PRKN: variants seen among roughly 807,000 people sequenced by gnomAD.
PRKN encodes the protein parkin RBR E3 ubiquitin protein ligase, also known as E3 ubiquitin-protein ligase parkin.
PRKN carries 56 observed loss-of-function variants against 59.5 expected under a neutral mutation model. That is an observed-to-expected ratio of 0.94 (90% CI 0.76 to 1.18). The LOEUF is 1.18. Among genes scored for constraint, PRKN ranks in the 50% most tolerant of loss-of-function variants. The pLI, the probability that PRKN is intolerant of heterozygous loss-of-function variation, is 0.00. For missense variants in PRKN, 657 were observed against 596.4 expected, an observed-to-expected ratio of 1.10 and a Z score of -1.06; for synonymous variants, 250 against 222.1, an observed-to-expected ratio of 1.13 and a Z score of -1.12.
chr6:162,469,783 T>C (rs143799409), intron 1 of PRKN, among the ~76,000 whole-genome samples: 275 of 152,152 alleles, frequency 1.8e-3, no homozygotes, highest in African/African-American at 6.3e-3. Context: ...GTTCAGTGTA[T>C]ACTGCTTGGA....
At chr6:162,025,583 CTTTTTTTTT>C (rs1177676968) in intron 5 of PRKN, among the ~76,000 whole-genome samples, 2 of 59,006 alleles carry the variant, frequency 3.4e-5, no homozygotes, top group Non-Finnish European at 2.8e-5. Context: ...ATCCATGGTG[CTTTTTTTTT>C]TTTTTTTTTT....
chr6:161,825,482 T>A (rs777494821), intron 6 of PRKN, among the ~76,000 whole-genome samples: 48 of 152,182 alleles, frequency 3.2e-4, no homozygotes, highest in Admixed American at 2.9e-3. Context: ...TCTGGGCTGC[T>A]CATGGCCATG....
intron 5 of PRKN, among the ~76,000 whole-genome samples, chr6:162,009,100 A>T (rs1782378072): frequency 6.6e-6 from 1 of 151,826 alleles, no homozygotes; most frequent in South Asian, 2.1e-4. Flanking sequence ...TAAAAATACA[A>T]AAATTAGCCG....
chr6:161,661,982 C>T (rs1582965462), intron 7 of PRKN, among the ~76,000 whole-genome samples: 2 of 152,180 alleles, frequency 1.3e-5, no homozygotes, highest in South Asian at 4.2e-4. Flanking sequence ...AAGATTGCAC[C>T]ACTGCACTCC....
At chr6:162,105,546 C>T (rs762324310) in intron 4 of PRKN, among the ~76,000 whole-genome samples, 13 of 152,206 alleles carry the variant, frequency 8.5e-5, no homozygotes, top group South Asian at 8.3e-4. Context: ...GGACTACAGG[C>T]GTGTGCCACC....
At chr6:162,197,314 G>A (rs1784533866) in intron 4 of PRKN, among the ~76,000 whole-genome samples, 1 of 152,104 alleles carries the variant, frequency 6.6e-6, no homozygotes, top group African/African-American at 2.4e-5. Context: ...ATTTGTAGGT[G>A]TTACTGAATG....
chr6:161,774,388 A>G (rs879650964), intron 7 of PRKN, among the ~76,000 whole-genome samples: 1,004 of 33,886 alleles, frequency 0.03, 9 homozygotes, highest in Middle Eastern at 0.047. Context: ...CTGAGCACAC[A>G]CACACACACA....
intron 5 of PRKN, among the ~76,000 whole-genome samples, chr6:162,015,245 C>T (rs556023854): frequency 1.3e-5 from 2 of 152,192 alleles, no homozygotes; most frequent in East Asian, 1.9e-4. Flanking sequence ...GGAACTCACA[C>T]AAGTACACCG....
At chr6:161,885,150 A>G (rs1225733189) in intron 6 of PRKN, among the ~76,000 whole-genome samples, 1 of 151,988 alleles carries the variant, frequency 6.6e-6, no homozygotes, top group African/African-American at 2.4e-5. Flanking sequence ...AAAAAAAAAA[A>G]AAGAAATGCA....
chr6:162,447,473 T>C (rs12215584), intron 1 of PRKN, among the ~76,000 whole-genome samples: 69,484 of 151,808 alleles, frequency 0.46, 16,418 homozygotes, highest in East Asian at 0.6. Context: ...CCAGTAAACA[T>C]TATCAATCAT....
intron 1 of PRKN, among the ~76,000 whole-genome samples, chr6:162,533,081 G>A (rs1470046022): frequency 2.6e-5 from 4 of 152,214 alleles, no homozygotes; most frequent in East Asian, 1.9e-4. Flanking sequence ...GGGAAGGCCT[G>A]TGGCTCTCAA....
chr6:162,712,641 T>C (rs1337548336), intron 1 of PRKN, among the ~76,000 whole-genome samples: 1 of 152,202 alleles, frequency 6.6e-6, no homozygotes, highest in African/African-American at 2.4e-5. Flanking sequence ...AGTTTGTAAG[T>C]AGGGTAAAAA....
At chr6:162,382,923 A>ACGGATG (rs1786571979) in intron 2 of PRKN, among the ~76,000 whole-genome samples, 1 of 152,202 alleles carries the variant, frequency 6.6e-6, no homozygotes, top group African/African-American at 2.4e-5. Flanking sequence ...CCATCTCAAT[A>ACGGATG]AACTGCTTTC....
chr6:161,866,886 T>C (rs1794133189), intron 6 of PRKN, among the ~76,000 whole-genome samples: 1 of 152,160 alleles, frequency 6.6e-6, no homozygotes, highest in Non-Finnish European at 1.5e-5. Flanking sequence ...GTTTGTTTTC[T>C]CTCTAGAGTT....
chr6:161,974,801 T>C (rs537685851), intron 5 of PRKN, among the ~76,000 whole-genome samples: 5 of 152,326 alleles, frequency 3.3e-5, no homozygotes, highest in African/African-American at 1.2e-4. Context: ...TGATCTGGTA[T>C]TGACAAACTT....
chr6:161,612,769 C>G (rs1169384366), intron 7 of PRKN, among the ~76,000 whole-genome samples: 1 of 149,348 alleles, frequency 6.7e-6, no homozygotes, highest in Non-Finnish European at 1.5e-5. Flanking sequence ...TGACTGTGCT[C>G]TATAAATGGA....
intron 4 of PRKN, among the ~76,000 whole-genome samples, chr6:162,154,783 A>G (rs1292427025): frequency 6.6e-6 from 1 of 151,958 alleles, no homozygotes; most frequent in Non-Finnish European, 1.5e-5. Flanking sequence ...TTCTTTATGA[A>G]CTCATGTACT....
intron 1 of PRKN, among the ~76,000 whole-genome samples, chr6:162,507,990 T>C (rs1254514255): frequency 6.6e-6 from 1 of 152,198 alleles, no homozygotes; most frequent in Non-Finnish European, 1.5e-5. Flanking sequence ...TGAGACTTGC[T>C]ATATTAGTCA....
Position 161,393,574 on chromosome 6 carries a change from T to C in PRKN, c.1084-6697A>G, listed in dbSNP as rs367907931. ...AGTTTGCTTTCCCATATTTCCATAA[T>C]GAACACATTCAAAAGGGGCTGTATG... On this transcript the variant is annotated intron_variant, in intron 9 of 11. Transcript: ENST00000366898. The surrounding 1 kb of genome is among the most constrained non-coding windows in gnomAD (Gnocchi z 4.7). Among the ~76,000 whole-genome samples, 23 of 152,208 alleles carry C rather than the reference T, an allele frequency of 1.5e-4. No individual in the cohort carries two copies. The South Asian group carries it at 4.6e-3, about 30-fold the overall frequency.
Sources: allele counts gnomAD v4.1 joint callset (sites outside exome capture counted in the v4.1 genomes callset), GRCh38; gene constraint gnomAD v4.1.1; non-coding constraint Gnocchi (gnomAD v3.1); transcripts MANE v1.5; gene names NCBI Gene and HGNC (gene_info 2026-07-23, HGNC 2026-07-21).